Variants in CDH13 observed in about 807,000 individuals in gnomAD.
CDH13 encodes cadherin 13.
CDH13 carries 24 observed loss-of-function variants against 63.8 expected under a neutral mutation model. That is an observed-to-expected ratio of 0.38 (90% confidence interval 0.27 to 0.53). The LOEUF (loss-of-function observed/expected upper bound fraction) is 0.53. Ranked by LOEUF, CDH13 falls within the 20% of genes least tolerant of loss-of-function variation. CDH13 has a pLI of 0.85. For missense variants in CDH13, 1,049 were observed against 903.1 expected (o/e 1.16, Z -2.07); for synonymous variants, 503 against 355.3 (o/e 1.42, Z -4.67).
At chr16:83,500,033 C>G (rs910444172) in intron 7 of CDH13, among the ~76,000 whole-genome samples, 3 of 151,948 alleles carry the variant, frequency 2.0e-5, no homozygotes, top group African/African-American at 7.3e-5. Flanking sequence ...GAACTCATGA[C>G]TTCAGGCGAT....
At chr16:82,637,841 T>C (rs902122285) in intron 1 of CDH13, 1 of 152,190 alleles carries the variant, frequency 6.6e-6, no homozygotes, top group Non-Finnish European at 1.5e-5. Context: ...GGTCTGTGCG[T>C]GGGCGAGTCC....
intron 2 of CDH13, among the ~76,000 whole-genome samples, chr16:83,022,111 G>T (rs992035453): frequency 2.0e-5 from 3 of 152,172 alleles, no homozygotes; most frequent in Non-Finnish European, 2.9e-5. Context: ...GCCTCTGGAT[G>T]CCAGTGGCAT....
At chr16:83,699,013 G>T (rs562514167) in intron 10 of CDH13, among the ~76,000 whole-genome samples, 1 of 152,374 alleles carries the variant, frequency 6.6e-6, no homozygotes, top group African/African-American at 2.4e-5. Context: ...ATTTGTGTGT[G>T]TTCTACTCTG....
intron 5 of CDH13, among the ~76,000 whole-genome samples, chr16:83,246,982 GC>G (rs1339594128): frequency 6.6e-6 from 1 of 152,192 alleles, no homozygotes; most frequent in Non-Finnish European, 1.5e-5. Context: ...GATGACTTCA[GC>G]ATCCGGGGTA....
chr16:83,287,576 T>C (rs1381932100), intron 5 of CDH13, among the ~76,000 whole-genome samples: 1 of 152,206 alleles, frequency 6.6e-6, no homozygotes, highest in Non-Finnish European at 1.5e-5. Context: ...TGCCTGATGG[T>C]CTGTCACTGT....
At chr16:82,838,083 C>T (rs1268802167) in intron 1 of CDH13, among the ~76,000 whole-genome samples, 2 of 152,188 alleles carry the variant, frequency 1.3e-5, no homozygotes, top group Non-Finnish European at 2.9e-5. Flanking sequence ...GATCCTGGCC[C>T]CAAAGCCTTA....
At chr16:82,963,282 G>A (rs968688815) in intron 2 of CDH13, among the ~76,000 whole-genome samples, 1 of 152,114 alleles carries the variant, frequency 6.6e-6, no homozygotes, top group African/African-American at 2.4e-5. Flanking sequence ...GGGAGGCTGA[G>A]GCAGAAGAAT....
At chr16:83,092,471 A>C (rs924938382) in intron 3 of CDH13, among the ~76,000 whole-genome samples, 1 of 152,234 alleles carries the variant, frequency 6.6e-6, no homozygotes, top group Non-Finnish European at 1.5e-5. Context: ...GGAACTGTCT[A>C]ACTAGAGTTC....
intron 10 of CDH13, among the ~76,000 whole-genome samples, chr16:83,683,933 C>T (rs982420813): frequency 3.9e-5 from 6 of 152,172 alleles, no homozygotes; most frequent in African/African-American, 1.2e-4. Context: ...CCCACTCTGT[C>T]GTCTCCAGGT....
intron 7 of CDH13, among the ~76,000 whole-genome samples, chr16:83,519,039 T>C (rs2074767936): frequency 6.6e-6 from 1 of 152,208 alleles, no homozygotes; most frequent in African/African-American, 2.4e-5. Context: ...CCTAGGCACC[T>C]GGTTCTCAGA....
rs149728458 is a variant in CDH13, at chr16:82,882,425, C to T, written c.157+23952C>T. 3.2e-3 allele frequency among the ~76,000 whole-genome samples: 490 copies of T among 152,296 alleles called. 1 individual carries two copies. The highest frequency in any genetic ancestry group is 0.014 in the Middle Eastern group (4 of 294). On this transcript the variant is annotated intron_variant, in intron 2 of 13. Transcript: ENST00000567109. ...TCTCCAACTCCGCTGCCAATGACCA[C>T]CAGCATTGCAAACCCGTACACATGC... is the stretch of plus-strand genomic sequence containing the variant.
At chr16:83,321,006 T>C (rs2090211902) in intron 5 of CDH13, among the ~76,000 whole-genome samples, 1 of 152,198 alleles carries the variant, frequency 6.6e-6, no homozygotes, top group African/African-American at 2.4e-5. Flanking sequence ...ACTGAGACCA[T>C]GTGATGCTAC....
chr16:83,447,414 C>G (rs1479435570), intron 6 of CDH13, among the ~76,000 whole-genome samples: 1 of 151,652 alleles, frequency 6.6e-6, no homozygotes, highest in Non-Finnish European at 1.5e-5. Flanking sequence ...AGACTCCATC[C>G]CAAAAAAACA....
At position 82,644,412 on chromosome 16, in the gene CDH13, C is replaced by G. The variant is rs115550642; in HGVS notation, c.45+17275C>G. Reference sequence around the variant, plus strand: ...ATTCTCAGGTCCCTTAACCATGGAACGTACTCCTGTCTGCCCTCACTCGTG... The same window carrying G: ...ATTCTCAGGTCCCTTAACCATGGAAGGTACTCCTGTCTGCCCTCACTCGTG... On this transcript the variant is annotated intron_variant, in intron 1 of 13. Coordinates refer to ENST00000567109, the MANE Select transcript of CDH13 (RefSeq NM_001257.5). This position sits in a 1 kb window ranked among gnomAD's most constrained non-coding sequence, Gnocchi z 5.7. Among the ~76,000 whole-genome samples, 2 of 152,128 alleles carry G rather than the reference C, an allele frequency of 1.3e-5. No individual in the cohort carries two copies. The highest frequency in any genetic ancestry group is 4.2e-4 in the South Asian group (2 of 4,818).
At chr16:83,009,112 A>C (rs1356524550) in intron 2 of CDH13, among the ~76,000 whole-genome samples, 2 of 152,230 alleles carry the variant, frequency 1.3e-5, no homozygotes, top group Non-Finnish European at 2.9e-5. Context: ...TGGAAAGTAT[A>C]ATTCAAGATG....
At chr16:82,846,960 C>G (rs2039284245) in intron 1 of CDH13, among the ~76,000 whole-genome samples, 1 of 152,128 alleles carries the variant, frequency 6.6e-6, no homozygotes, top group Admixed American at 6.5e-5. Flanking sequence ...GAGAGGAGCA[C>G]TTAGGACACT....
At chr16:83,631,863 G>C (rs1797036588) in intron 8 of CDH13, among the ~76,000 whole-genome samples, 1 of 152,174 alleles carries the variant, frequency 6.6e-6, no homozygotes, top group Admixed American at 6.5e-5. Context: ...ATCTCTGCTT[G>C]ACCAAACCAC....
intron 5 of CDH13, among the ~76,000 whole-genome samples, chr16:83,293,325 C>T (rs1391305021): frequency 2.6e-5 from 4 of 152,116 alleles, no homozygotes; most frequent in Non-Finnish European, 2.9e-5. Flanking sequence ...AGACATGTAA[C>T]CTTCCCCATG....
intron 5 of CDH13, among the ~76,000 whole-genome samples, chr16:83,246,861 C>G (rs774649923): frequency 3.3e-5 from 5 of 152,182 alleles, no homozygotes; most frequent in Non-Finnish European, 7.3e-5. Context: ...CCTTCTACTC[C>G]AGTCCTTACA....
Sources: gnomAD v4.1 joint callset for allele counts (sites outside exome capture counted in the v4.1 genomes callset) on GRCh38, gnomAD v4.1.1 for gene constraint, Gnocchi (gnomAD v3.1) non-coding constraint, MANE v1.5 for transcripts, NCBI Gene and HGNC (gene_info 2026-07-23, HGNC 2026-07-21) for gene names.